The following TNPO3 variants were observed in gnomAD, a reference collection of about 807,000 sequenced individuals.
The protein encoded by TNPO3 is transportin 3.
TNPO3 carries 65 observed loss-of-function variants against 122.8 expected under a neutral mutation model. The ratio of observed to expected loss-of-function variants is 0.53; its 90% CI spans 0.43 to 0.65. The LOEUF (loss-of-function observed/expected upper bound fraction) is 0.65. TNPO3 is among the 30% of genes least tolerant of loss of function. TNPO3 has a pLI of 0.00. For synonymous variants in TNPO3, 372 were observed against 411.2 expected, an observed-to-expected ratio of 0.90 and a Z score of 1.15; for missense variants, 850 against 1,136.7, an observed-to-expected ratio of 0.75 and a Z score of 3.63.
chr7:128,978,942 T>A (rs1455452655), intron 16 of TNPO3, 41 bp downstream of exon 16: 4 of 1,607,528 alleles, frequency 2.5e-6, no homozygotes, highest in Non-Finnish European at 3.4e-6. Context: ...TATTTCAAAT[T>A]CTGTACATGG....
chr7:128,979,931 G>A (rs1309679039), intron 15 of TNPO3, 40 bp downstream of exon 15: 1 of 1,594,280 alleles, frequency 6.3e-7, no homozygotes, highest in Non-Finnish European at 8.6e-7. Context: ...AAGGAAAAAA[G>A]AAGCAAGCCT....
intron 1 of TNPO3, among the ~76,000 whole-genome samples, chr7:129,027,299 A>G (rs1839599): frequency 1 from 152,185 of 152,190 alleles, 76,090 homozygotes; most frequent in Middle Eastern, 1. Context: ...AGTGGCTCAC[A>G]CCTATAATCC....
intron 1 of TNPO3, among the ~76,000 whole-genome samples, chr7:129,036,580 A>G (rs1001930547): frequency 6.6e-6 from 1 of 152,228 alleles, no homozygotes; most frequent in Non-Finnish European, 1.5e-5. Context: ...ATCAATGTCA[A>G]ATTTCTTGAG....
chr7:128,955,369 A>G lies in TNPO3; in HGVS notation c.*48T>C. 2.2e-6 allele frequency: 1 copy of G among 456,394 alleles called. No homozygotes were observed. The highest frequency in any genetic ancestry group is 7.0e-5 in the East Asian group (1 of 14,384). 28.3% of individuals were successfully genotyped at this position (456,394 alleles called of 1,614,324 possible). A position where few individuals can be genotyped will look rare whatever the true frequency, so the allele number is the denominator to read the frequency against. ...GGTTTTTGTTTTCTTCCTGTCTTCT[A>G]ATTAAAAAAGACATTCCTGACAAAA... is the stretch of plus-strand genomic sequence containing the variant. On this transcript the variant is annotated 3_prime_UTR_variant, in exon 23 of 23. Transcript: ENST00000265388.
Position 128,975,938 on chromosome 7 carries a change from G to A in TNPO3, c.2062-3C>T, listed in dbSNP as rs1799012475. 1 of 1,600,916 alleles carries A rather than the reference G, an allele frequency of 6.2e-7. No individual in the cohort carries two copies. The highest frequency in any genetic ancestry group is 8.6e-7 in the Non-Finnish European group (1 of 1,168,622). ...TGTACGTGGTACACATTCACCATCT[G>A]TTGAGGGAAAAAACAATTAGTTCAA... On this transcript the variant is annotated splice_polypyrimidine_tract_variant and splice_region_variant and intron_variant, in intron 16 of 22. Coordinates refer to ENST00000265388, the MANE Select transcript of TNPO3 (RefSeq NM_012470.4).
chr7:129,039,767 T>C (rs1174391130), intron 1 of TNPO3, among the ~76,000 whole-genome samples: 1 of 152,176 alleles, frequency 6.6e-6, no homozygotes, highest in Non-Finnish European at 1.5e-5. Context: ...TAATATATAC[T>C]ATAACATGGA....
rs770144121 is a variant in TNPO3 at position 129,035,271 on chromosome 7, C to T, written c.121-17114G>A. Among the ~76,000 whole-genome samples the T allele has an allele frequency of 3.9e-5, 6 of 152,148 alleles. No homozygotes were observed. The South Asian group carries it at 6.2e-4, about 16-fold the overall frequency. On this transcript the variant is annotated intron_variant, in intron 1 of 22. Transcript: ENST00000265388. ...CCTGGGCGAAAGAGCGAGACTCCGT[C>T]TCAAAACAACAACAACATATCAAGC...
Position 128,982,270 on chromosome 7 carries a change from C to A in TNPO3, c.1837G>T (p.Asp613Tyr). 2 of 1,613,308 alleles carry A rather than the reference C, an allele frequency of 1.2e-6. No homozygotes were observed. The highest frequency in any genetic ancestry group is 2.2e-5 in the South Asian group (2 of 91,064). The change falls in exon 14 of 23, where the codon GAT becomes TAT. Residue 613 changes from aspartate to tyrosine, a missense_variant. Transcript: ENST00000265388. Reference sequence around the variant, plus strand: ...TACCTAAATATCACTGCAAGGCGATCTAAGAACACTGTGGGATCTGAGGAT... The same window carrying A: ...TACCTAAATATCACTGCAAGGCGATATAAGAACACTGTGGGATCTGAGGAT... ...GISSDPTVFL[D>Y]RLAVIFRHTN...
rs201464103 is a variant in TNPO3, at chr7:128,979,087, G to C, written c.1957C>G (p.Arg653Gly). 6.2e-7 allele frequency: 1 copy of C among 1,614,158 alleles called. No homozygotes were observed. The highest frequency in any genetic ancestry group is 8.5e-7 in the Non-Finnish European group (1 of 1,180,014). The change falls in exon 16 of 23, where the codon CGA becomes GGA. Residue 653 changes from arginine (R) to glycine (G), a missense_variant. Coordinates refer to ENST00000265388, the MANE Select transcript of TNPO3 (RefSeq NM_012470.4). ...CGCTCTACAATCCGATTATCAGCTC[G>C]GTGCTTATTTAGAGTCTCGGATAAA... Reference protein sequence around the residue: ...PVLSETLNKHRADNRIVERCC... With the variant: ...PVLSETLNKHGADNRIVERCC...
chr7:129,000,996 T>G lies in TNPO3; in HGVS notation c.872+63A>C, dbSNP rs919527654. The stretch of plus-strand genomic sequence containing the variant: ...CAAATGACAGACGAATAATAAAAAG[T>G]GACTTAAAAGAATGACCAGACTGTA... On this transcript the variant is annotated intron_variant, in intron 6 of 22. Coordinates refer to ENST00000265388, the MANE Select transcript of TNPO3 (RefSeq NM_012470.4). 29 of 1,536,950 alleles carry G rather than the reference T, an allele frequency of 1.9e-5. No homozygotes were observed. The Admixed American group carries it at 2.8e-4, about 15-fold the overall frequency.
At chr7:128,997,590 A>G in intron 7 of TNPO3, 55 bp from the exon 8 acceptor site, 5 of 1,446,748 alleles carry the variant, frequency 3.5e-6, no homozygotes, top group Non-Finnish European at 4.8e-6. Flanking sequence ...GAATAAGAAG[A>G]CATTTTATTA....
Position 128,970,230 on chromosome 7 carries a change from T to G in TNPO3, c.2516A>C (p.His839Pro). The change falls in exon 20 of 23, where the codon CAC becomes CCC. Residue 839 changes from histidine (H) to proline (P), a missense_variant. His to Pro is a moderately conservative substitution (Grantham distance 77). Coordinates refer to ENST00000265388, the MANE Select transcript of TNPO3 (RefSeq NM_012470.4). ...GGGGGGGAGGCAAAAGCAGCAGGTG[T>G]GCAGCAGCTGGCTGACAAGCTGCTG... ...LGQQLVSQLLHTCCFCLPPYT... is the reference protein window; with the variant it reads ...LGQQLVSQLLPTCCFCLPPYT... The G allele has an allele frequency of 6.2e-7, 1 of 1,614,120 alleles. No homozygotes were observed. Among genetic ancestry groups the G allele is most frequent in the Non-Finnish European group, 8.5e-7 (1 of 1,179,988 alleles).
chr7:128,960,496 T>C (rs1563084771), intron 21 of TNPO3, among the ~76,000 whole-genome samples: 1 of 152,182 alleles, frequency 6.6e-6, no homozygotes, highest in Non-Finnish European at 1.5e-5. Context: ...GACAGTGATA[T>C]TGATGATCTT....
upstream of TNPO3, chr7:129,055,261 T>C (rs1809361133): frequency 6.2e-6 from 1 of 161,616 alleles, no homozygotes; most frequent in Middle Eastern, 3.2e-3. Flanking sequence ...GAAGAGCCGG[T>C]GTTCTCTCTG....
rs779514660 is a variant in TNPO3 at position 129,001,193 on chromosome 7, C to T, written c.738G>A (p.Ser246=). ...CATAGAGAGCTGAGCATACACAGTCCGAAGCAGCTTCATGTAGGTTAGACG... is the reference window on the plus strand; with the variant it reads ...CATAGAGAGCTGAGCATACACAGTCTGAAGCAGCTTCATGTAGGTTAGACG... ...KTSSNLHEAA[S]DCVCSALYAI... Residue 246 remains serine (S), a synonymous_variant, in exon 6 of 23, where the codon TCG becomes TCA. Coordinates refer to ENST00000265388, the MANE Select transcript of TNPO3 (RefSeq NM_012470.4). 16 of 1,613,646 alleles carry T rather than the reference C, an allele frequency of 9.9e-6. No individual in the cohort carries two copies. In the Admixed American group the frequency reaches 1.5e-4, roughly 15 times the overall value.
At chr7:129,041,480 A>C in intron 1 of TNPO3, 1 of 911,362 alleles carries the variant, frequency 1.1e-6, no homozygotes, top group South Asian at 5.1e-5. Context: ...TCTGCTAAAC[A>C]GCAGAAAAAA....
At chr7:129,032,435 A>G (rs541070081) in intron 1 of TNPO3, among the ~76,000 whole-genome samples, 45 of 152,326 alleles carry the variant, frequency 3.0e-4, no homozygotes, top group African/African-American at 1.0e-3. Flanking sequence ...ATAATGTAAG[A>G]TCATTCAACA....
intron 21 of TNPO3, among the ~76,000 whole-genome samples, chr7:128,965,365 T>C (rs1207464741): frequency 6.6e-6 from 1 of 152,056 alleles, no homozygotes; most frequent in East Asian, 1.9e-4. Flanking sequence ...GAAATGCAAA[T>C]GAAAACGGCA....
intron 13 of TNPO3, 150 bp downstream of exon 13, chr7:128,984,018 A>C (rs908484102): frequency 9.1e-5 from 46 of 504,638 alleles, no homozygotes; most frequent in Non-Finnish European, 2.4e-5. Flanking sequence ...GTATGCAGCT[A>C]CTTTGATTAC....
Sources: allele counts gnomAD v4.1 joint callset (sites outside exome capture counted in the v4.1 genomes callset), GRCh38; gene constraint gnomAD v4.1.1; transcripts MANE v1.5; gene names NCBI Gene and HGNC (gene_info 2026-07-23, HGNC 2026-07-21).